ZFPM2: variants seen among roughly 807,000 people sequenced by gnomAD.
ZFPM2 encodes zinc finger protein, FOG family member 2.
In ZFPM2, 20 loss-of-function variants were observed where a neutral mutation model predicts 98.6. The observed-to-expected ratio is 0.20, with a 90% CI of 0.14 to 0.29. The LOEUF is 0.29. Ranked by LOEUF, ZFPM2 falls within the 10% of genes least tolerant of loss-of-function variation. The pLI, the probability that ZFPM2 is intolerant of heterozygous loss-of-function variation, is 1.00. For missense variants in ZFPM2, 1,310 were observed against 1,388.6 expected (o/e 0.94, Z 0.90); for synonymous variants, 518 against 502.7 (o/e 1.03, Z -0.41).
At chr8:105,339,705 A>C (rs1008933462) in intron 1 of ZFPM2, among the ~76,000 whole-genome samples, 1 of 151,894 alleles carries the variant, frequency 6.6e-6, no homozygotes, top group African/African-American at 2.4e-5. Context: ...GCTAAAACAA[A>C]ATCTAGAGTT....
At chr8:105,538,326 A>G (rs1422948498) in intron 3 of ZFPM2, among the ~76,000 whole-genome samples, 1 of 152,152 alleles carries the variant, frequency 6.6e-6, no homozygotes, top group Non-Finnish European at 1.5e-5. Context: ...CCCTTGATAA[A>G]TCATACCCAG....
chr8:105,391,741 A>G (rs1030416117), intron 1 of ZFPM2, among the ~76,000 whole-genome samples: 1 of 152,192 alleles, frequency 6.6e-6, no homozygotes, highest in Non-Finnish European at 1.5e-5. Context: ...ATTCAGTCAC[A>G]TCTTCAGGAT....
In ZFPM2 at chr8:105,700,603, T is replaced by C. The variant is rs149806326; in HGVS notation, c.532+66246T>C. Among the ~76,000 whole-genome samples, 387 of 152,252 alleles carry C rather than the reference T, an allele frequency of 2.5e-3. 3 individuals are homozygous for C. The highest frequency in any genetic ancestry group is 2.9e-3 in the Admixed American group (45 of 15,290). On this transcript the variant is annotated intron_variant, in intron 5 of 7. Transcript: ENST00000407775. ...GTTTGTTTGTTTGATTGTTTGTTTG[T>C]TTTTTGAGACTGAGTCTCCCACTGT...
intron 3 of ZFPM2, among the ~76,000 whole-genome samples, chr8:105,483,753 CTT>C (rs551275094): frequency 6.4e-5 from 9 of 141,698 alleles, no homozygotes; most frequent in Non-Finnish European, 6.2e-5. Flanking sequence ...TTTTTCTTTT[CTT>C]TTTTTTTTTT....
At chr8:105,635,027 C>T (rs1400686808) in intron 5 of ZFPM2, among the ~76,000 whole-genome samples, 1 of 152,196 alleles carries the variant, frequency 6.6e-6, no homozygotes, top group African/African-American at 2.4e-5. Flanking sequence ...GTCCATAGCA[C>T]AGGACCTTCC....
chr8:105,384,301 C>T (rs1269456685), intron 1 of ZFPM2, among the ~76,000 whole-genome samples: 1 of 152,054 alleles, frequency 6.6e-6, no homozygotes, highest in Non-Finnish European at 1.5e-5. Flanking sequence ...GCAAAGCTCC[C>T]CTCAACTTCG....
Position 105,605,588 on chromosome 8 carries a change from G to A in ZFPM2, c.421-28658G>A, listed in dbSNP as rs941631598. On this transcript the variant is annotated intron_variant, in intron 4 of 7. Coordinates refer to ENST00000407775, the MANE Select transcript of ZFPM2 (RefSeq NM_012082.4). Reference sequence around the variant, plus strand: ...TGTAAATTTCTTGCAATTAACTTCTGTGTTGATATGGAAAAAGTATATTTT... The same window carrying A: ...TGTAAATTTCTTGCAATTAACTTCTATGTTGATATGGAAAAAGTATATTTT... Among the ~76,000 whole-genome samples the A allele has an allele frequency of 2.4e-4, 37 of 152,030 alleles. 1 individual carries two copies. The highest frequency in any genetic ancestry group is 2.3e-3 in the Admixed American group (35 of 15,228).
intron 3 of ZFPM2, among the ~76,000 whole-genome samples, chr8:105,504,320 T>A (rs1586421603): frequency 6.6e-6 from 1 of 151,736 alleles, no homozygotes; most frequent in South Asian, 2.1e-4. Context: ...GTGGAAGAGG[T>A]TTTAAGATAG....
At chr8:105,389,674 A>G (rs1586337204) in intron 1 of ZFPM2, among the ~76,000 whole-genome samples, 1 of 152,162 alleles carries the variant, frequency 6.6e-6, no homozygotes, top group East Asian at 1.9e-4. Flanking sequence ...ACTAATTTGT[A>G]GAGTCTGTGG....
intron 3 of ZFPM2, among the ~76,000 whole-genome samples, chr8:105,536,025 G>A (rs1228594945): frequency 6.6e-6 from 1 of 152,122 alleles, no homozygotes; most frequent in African/African-American, 2.4e-5. Flanking sequence ...GTTCCAGAGG[G>A]TTATAGAATA....
At chr8:105,746,107 T>C (rs187177804) in intron 5 of ZFPM2, among the ~76,000 whole-genome samples, 23 of 152,120 alleles carry the variant, frequency 1.5e-4, no homozygotes, top group African/African-American at 5.1e-4. Flanking sequence ...TTTTGAAGTG[T>C]AGGGAATGTG....
chr8:105,369,353 TG>T (rs1810574411), intron 1 of ZFPM2, among the ~76,000 whole-genome samples: 1 of 152,190 alleles, frequency 6.6e-6, no homozygotes, highest in Non-Finnish European at 1.5e-5. Context: ...TGGGGTATCA[TG>T]CAGAAATAGG....
intron 5 of ZFPM2, among the ~76,000 whole-genome samples, chr8:105,662,008 A>G (rs563039802): frequency 3.3e-5 from 5 of 152,142 alleles, no homozygotes; most frequent in Admixed American, 6.5e-5. Flanking sequence ...GAAATGATAC[A>G]TCCGTGGATA....
At chr8:105,537,215 C>A (rs181490412) in intron 3 of ZFPM2, among the ~76,000 whole-genome samples, 87 of 151,764 alleles carry the variant, frequency 5.7e-4, no homozygotes, top group African/African-American at 2.0e-3. Context: ...TTTCTGTTTT[C>A]TGTTGAAGTA....
intron 5 of ZFPM2, among the ~76,000 whole-genome samples, chr8:105,670,196 C>A (rs1817563430): frequency 6.6e-6 from 1 of 152,012 alleles, no homozygotes; most frequent in African/African-American, 2.4e-5. Context: ...ACCCACCACT[C>A]AGATTAAGAG....
At chr8:105,662,692 C>T (rs1425441075) in intron 5 of ZFPM2, 1 of 150,978 alleles carries the variant, frequency 6.6e-6, no homozygotes, top group African/African-American at 2.4e-5. Flanking sequence ...TATTTCTTAT[C>T]AACTTTCTGG....
intron 3 of ZFPM2, among the ~76,000 whole-genome samples, chr8:105,540,356 C>G (rs4273825): frequency 0.12 from 18,406 of 151,900 alleles, 1,197 homozygotes; most frequent in South Asian, 0.17. Context: ...CAAGCCTTAG[C>G]CTTCCCATCT....
chr8:105,739,069 G>C (rs1431668154), intron 5 of ZFPM2, among the ~76,000 whole-genome samples: 1 of 151,990 alleles, frequency 6.6e-6, no homozygotes, highest in Non-Finnish European at 1.5e-5. Context: ...ACAGAGGGAA[G>C]TAAGCAAAAA....
rs5893760 is a variant in ZFPM2, at chr8:105,759,580, T to TTGTGTG, written c.533-29112_533-29107dup. On this transcript the variant is annotated intron_variant, in intron 5 of 7. Transcript: ENST00000407775. ...TGCATGGACTGTCTCTTGATAATCC[T>TTGTGTG]TGTGTGTGTGTGTGTGTGTGTGTGT... 2.8e-3 allele frequency among the ~76,000 whole-genome samples: 407 copies of TTGTGTG among 146,976 alleles called. 1 individual carries two copies. Among genetic ancestry groups the TTGTGTG allele is most frequent in the African/African-American group, 5.7e-3 (228 of 40,302 alleles).
Sources: allele counts gnomAD v4.1 joint callset (sites outside exome capture counted in the v4.1 genomes callset), GRCh38; gene constraint gnomAD v4.1.1; transcripts MANE v1.5; gene names NCBI Gene and HGNC (gene_info 2026-07-23, HGNC 2026-07-21).